The following KCND2 variants were observed in gnomAD, a reference collection of about 807,000 sequenced individuals.
KCND2 encodes potassium voltage-gated channel subfamily D member 2.
In KCND2, 16 loss-of-function variants were observed where a neutral mutation model predicts 54.4. That is an observed-to-expected ratio of 0.29 (90% CI 0.20 to 0.45). The LOEUF (loss-of-function observed/expected upper bound fraction) is 0.45, where lower values mean the gene tolerates loss of function less well. KCND2 is among the 20% of genes least tolerant of loss of function. The pLI, the probability that KCND2 is intolerant of heterozygous loss-of-function variation, is 1.00. For synonymous variants in KCND2, 317 were observed against 310.7 expected (o/e 1.02, Z -0.21); for missense variants, 486 against 824.2 (o/e 0.59, Z 5.02).
Position 120,273,630 on chromosome 7 carries a change from G to C in KCND2, c.-1003G>C, listed in dbSNP as rs938024197. The C allele has an allele frequency of 9.8e-5, 15 of 152,550 alleles. No homozygotes were observed. The highest frequency in any genetic ancestry group is 9.2e-4 in the Admixed American group (14 of 15,292). 9.4% of individuals were successfully genotyped at this position (152,550 alleles called of 1,614,324 possible). A position where few individuals can be genotyped will look rare whatever the true frequency, so the allele number is the denominator to read the frequency against. Reference sequence around the variant, plus strand: ...GATGGGGGAAGGGAAAGAAGAGCTCGCTTGAGCTTTATTTATGCTCTCTCG... The same window carrying C: ...GATGGGGGAAGGGAAAGAAGAGCTCCCTTGAGCTTTATTTATGCTCTCTCG... On this transcript the variant is annotated 5_prime_UTR_variant, in exon 1 of 6. Transcript: ENST00000331113.
chr7:120,536,272 A>G (rs1791905280), intron 1 of KCND2, among the ~76,000 whole-genome samples: 1 of 152,184 alleles, frequency 6.6e-6, no homozygotes, highest in Admixed American at 6.6e-5. Flanking sequence ...AAAAATGTTA[A>G]CAATCATCTG....
intron 1 of KCND2, among the ~76,000 whole-genome samples, chr7:120,282,077 C>T (rs974524391): frequency 1.1e-4 from 16 of 152,036 alleles, no homozygotes; most frequent in South Asian, 4.1e-4. Flanking sequence ...CTGGTGAAGT[C>T]CAGGTAAATT....
rs73425840 is a variant in KCND2 at position 120,745,598 on chromosome 7, G to T, written c.1468-182G>T. 0.11 allele frequency among the ~76,000 whole-genome samples: 16,876 copies of T among 152,060 alleles called. 2,512 individuals carry two copies. The highest frequency in any genetic ancestry group is 0.34 in the African/African-American group (14,192 of 41,428). ...ATCTCTAGGTTTAACTACAGAGATA[G>T]TTCCACATAAATGCCAAAAAGAAGT... On this transcript the variant is annotated intron_variant, in intron 4 of 5. Coordinates refer to ENST00000331113, the MANE Select transcript of KCND2 (RefSeq NM_012281.3).
intron 1 of KCND2, among the ~76,000 whole-genome samples, chr7:120,706,922 T>C (rs1418204121): frequency 6.6e-6 from 1 of 152,136 alleles, no homozygotes; most frequent in Non-Finnish European, 1.5e-5. Context: ...GATCAAAATT[T>C]ATTTTTGTCT....
At chr7:120,304,677 C>T (rs1303463900) in intron 1 of KCND2, among the ~76,000 whole-genome samples, 11 of 152,198 alleles carry the variant, frequency 7.2e-5, no homozygotes, top group Non-Finnish European at 1.5e-5. Context: ...TATTTCTCTT[C>T]TTTCCTCTTT....
chr7:120,510,796 T>G (rs1368634339), intron 1 of KCND2, among the ~76,000 whole-genome samples: 2 of 151,942 alleles, frequency 1.3e-5, no homozygotes, highest in African/African-American at 4.8e-5. Context: ...TTTTTCTACT[T>G]CAGCTTTTCT....
At chr7:120,504,103 A>G (rs528380169) in intron 1 of KCND2, among the ~76,000 whole-genome samples, 1 of 152,134 alleles carries the variant, frequency 6.6e-6, no homozygotes, top group African/African-American at 2.4e-5. Flanking sequence ...TAAATATAAA[A>G]GCTACATCCC....
At chr7:120,580,474 C>T (rs574023089) in intron 1 of KCND2, among the ~76,000 whole-genome samples, 20 of 152,198 alleles carry the variant, frequency 1.3e-4, no homozygotes, top group South Asian at 2.1e-4. Flanking sequence ...CAAGACAGGC[C>T]GGAAACTTGA....
At chr7:120,648,085 T>C (rs1428725191) in intron 1 of KCND2, among the ~76,000 whole-genome samples, 3 of 152,280 alleles carry the variant, frequency 2.0e-5, no homozygotes, top group South Asian at 2.1e-4. Context: ...TAAAAATAGG[T>C]TTTTCTGTCC....
chr7:120,323,440 C>T (rs142377564), intron 1 of KCND2, among the ~76,000 whole-genome samples: 2,793 of 151,078 alleles, frequency 0.018, 44 homozygotes, highest in Non-Finnish European at 0.029. Flanking sequence ...CACTGCTATC[C>T]CTCCCCACTC....
At chr7:120,502,138 T>C (rs1465048199) in intron 1 of KCND2, among the ~76,000 whole-genome samples, 1 of 152,076 alleles carries the variant, frequency 6.6e-6, no homozygotes, top group African/African-American at 2.4e-5. Flanking sequence ...GCTGTTACTG[T>C]GTTTAAGTAG....
chr7:120,377,554 T>G (rs1314716387), intron 1 of KCND2, among the ~76,000 whole-genome samples: 1 of 64,978 alleles, frequency 1.5e-5, no homozygotes, highest in Non-Finnish European at 5.4e-5. Context: ...CTCATTTCCC[T>G]CACCCCAAGA....
intron 1 of KCND2, among the ~76,000 whole-genome samples, chr7:120,501,371 G>T (rs575951387): frequency 1.3e-5 from 2 of 152,204 alleles, no homozygotes; most frequent in African/African-American, 4.8e-5. Context: ...GTACATCGTA[G>T]AAGAGAATAA....
At chr7:120,456,608 A>G (rs1802204543) in intron 1 of KCND2, among the ~76,000 whole-genome samples, 1 of 152,264 alleles carries the variant, frequency 6.6e-6, no homozygotes, top group South Asian at 2.1e-4. Context: ...TTGAAATCAT[A>G]TGCATGATAA....
intron 1 of KCND2, among the ~76,000 whole-genome samples, chr7:120,415,926 G>A (rs187798678): frequency 7.2e-5 from 11 of 152,198 alleles, no homozygotes; most frequent in Admixed American, 2.6e-4. Context: ...ATCAGAAACC[G>A]AGAAGTCATT....
rs578255710 is a variant in KCND2 at position 120,543,332 on chromosome 7, C to T, written c.1116-189571C>T. The stretch of plus-strand genomic sequence containing the variant: ...CCCAGCAGAGCATGCCTGTTTTTGT[C>T]TTCTTTGGTTATCCTCTTACTGCGT... On this transcript the variant is annotated intron_variant, in intron 1 of 5. Coordinates refer to ENST00000331113, the MANE Select transcript of KCND2 (RefSeq NM_012281.3). 4.1e-4 allele frequency among the ~76,000 whole-genome samples: 62 copies of T among 151,672 alleles called. 1 individual carries two copies. The South Asian group carries it at 0.012, about 29-fold the overall frequency.
At chr7:120,327,374 A>G (rs1420990151) in intron 1 of KCND2, among the ~76,000 whole-genome samples, 1 of 152,086 alleles carries the variant, frequency 6.6e-6, no homozygotes, top group Non-Finnish European at 1.5e-5. Flanking sequence ...GTGTTTGTAA[A>G]TGTTTTTATC....
intron 1 of KCND2, among the ~76,000 whole-genome samples, chr7:120,643,414 A>G (rs1793401247): frequency 2.0e-5 from 3 of 152,172 alleles, no homozygotes; most frequent in South Asian, 4.1e-4. Context: ...AAAAATATAT[A>G]TATACTCAAA....
At chr7:120,731,171 G>A (rs1187903512) in intron 1 of KCND2, among the ~76,000 whole-genome samples, 1 of 152,174 alleles carries the variant, frequency 6.6e-6, no homozygotes, top group Admixed American at 6.6e-5. Flanking sequence ...AGTAGGAGCT[G>A]GCCTTATGCT....
Sources: gnomAD v4.1 joint callset for allele counts (sites outside exome capture counted in the v4.1 genomes callset) on GRCh38, gnomAD v4.1.1 for gene constraint, MANE v1.5 for transcripts, NCBI Gene and HGNC (gene_info 2026-07-23, HGNC 2026-07-21) for gene names.